ZNF550: variants seen among roughly 807,000 people sequenced by gnomAD.
The protein encoded by ZNF550 is zinc finger protein 550.
In ZNF550, 42 loss-of-function variants were observed where a neutral mutation model predicts 40.2. The ratio of observed to expected loss-of-function variants is 1.05; its 90% CI spans 0.82 to 1.35. ZNF550 has a LOEUF of 1.35. Among genes scored for constraint, ZNF550 ranks in the 40% most tolerant of loss-of-function variants. The pLI is 0.00. For synonymous variants in ZNF550, 223 were observed against 198.6 expected (o/e 1.12, Z -1.03); for missense variants, 549 against 525.2 (o/e 1.05, Z -0.44).
At chr19:57,544,571 T>C in intron 4 of ZNF550, 1 of 985,280 alleles carries the variant, frequency 1.0e-6, no homozygotes, top group Non-Finnish European at 1.2e-6. Context: ...GAGAGGAAAC[T>C]GTGCACTCTG....
At chr19:57,546,406 A>G (rs1159115399) in intron 4 of ZNF550, 1 of 885,256 alleles carries the variant, frequency 1.1e-6, no homozygotes, top group African/African-American at 1.8e-5. Context: ...CTACCAAAAA[A>G]TAAAACTGAT....
At chr19:57,552,686 A>G (rs771581106) in exon 3 of ZNF550, 1 of 1,598,462 alleles carries the variant, frequency 6.3e-7, no homozygotes, top group Non-Finnish European at 8.5e-7. Context: ...CCCATGCTCT[A>G]GCAGGTGGAC....
intron 4 of ZNF550, chr19:57,544,187 A>G (rs1187366221): frequency 3.0e-6 from 3 of 985,362 alleles, no homozygotes; most frequent in Non-Finnish European, 3.6e-6. Flanking sequence ...TATGACCACA[A>G]CAGTGAGTGG....
intron 4 of ZNF550, chr19:57,543,614 A>G: frequency 1.0e-6 from 1 of 985,438 alleles, no homozygotes; most frequent in East Asian, 1.1e-4. Context: ...ATTAAATGTA[A>G]CAAAGTTACA....
At chr19:57,543,683 C>G (rs999202360) in intron 4 of ZNF550, 1 of 971,864 alleles carries the variant, frequency 1.0e-6, no homozygotes, top group African/African-American at 1.8e-5. Context: ...CGCCTGTAAT[C>G]GCAGCACTTT....
intron 1 of ZNF550, 44 bp downstream of exon 1, chr19:57,559,612 C>A: frequency 6.9e-7 from 1 of 1,455,822 alleles, no homozygotes. Flanking sequence ...GGGCCCGGGA[C>A]ACTGAGGCCG....
At chr19:57,542,456 A>G (rs2089968953) in exon 5 of ZNF550, 1 of 151,954 alleles carries the variant, frequency 6.6e-6, no homozygotes, top group African/African-American at 2.4e-5. Context: ...TGGAGGAAAT[A>G]CATGTCCATA....
At chr19:57,558,388 A>T (rs1256933428) in intron 1 of ZNF550, among the ~76,000 whole-genome samples, 1 of 152,232 alleles carries the variant, frequency 6.6e-6, no homozygotes, top group African/African-American at 2.4e-5. Flanking sequence ...CTTGCAGACC[A>T]TGCTGGTAGG....
At chr19:57,551,657 TAAGTG>T (rs2090073579) in intron 3 of ZNF550, among the ~76,000 whole-genome samples, 1 of 151,986 alleles carries the variant, frequency 6.6e-6, no homozygotes, top group African/African-American at 2.4e-5. Flanking sequence ...CTGAGACACT[TAAGTG>T]GAGATGTGGG....
At chr19:57,556,356 A>G in exon 2 of ZNF550, 1 of 1,612,298 alleles carries the variant, frequency 6.2e-7, no homozygotes, top group Non-Finnish European at 8.5e-7. Context: ...GGTCACCAAC[A>G]TCTGGAAAGT....
chr19:57,552,603 C>T, intron 3 of ZNF550, 24 bp downstream of exon 3: 3 of 1,571,034 alleles, frequency 1.9e-6, no homozygotes, highest in Non-Finnish European at 1.7e-6. Context: ...CATGACTCCA[C>T]ATGACCAGCT....
exon 4 of ZNF550, chr19:57,546,769 G>C: frequency 7.4e-7 from 1 of 1,355,102 alleles, no homozygotes; most frequent in East Asian, 2.6e-5. Context: ...TGACTGAAGG[G>C]ATCCTTACAT....
At position 57,554,091 on chromosome 19, in the gene ZNF550, T is replaced by C. The variant is rs1476873430; in HGVS notation, c.155-1369A>G. ...ACTCAAGGGGATGAGGTTGGGAGGA[T>C]TGCTTGAGCCTAGGAAGCAGAGGCT... is the stretch of plus-strand genomic sequence containing the variant. On this transcript the variant is annotated intron_variant, in intron 2 of 4. Transcript: ENST00000457177. The surrounding 1 kb of genome is among the most constrained non-coding windows in gnomAD (Gnocchi z 4.5). The C allele has an allele frequency of 6.6e-6, 1 of 152,136 alleles. No homozygotes were observed. The highest frequency in any genetic ancestry group is 1.5e-5 in the Non-Finnish European group (1 of 68,068). 9.4% of individuals were successfully genotyped at this position (152,136 alleles called of 1,614,324 possible). A position where few individuals can be genotyped will look rare whatever the true frequency, so the allele number is the denominator to read the frequency against.
At chr19:57,553,701 A>G (rs1371351446) in intron 2 of ZNF550, 1 of 151,770 alleles carries the variant, frequency 6.6e-6, no homozygotes, top group Non-Finnish European at 1.5e-5. Flanking sequence ...ACCCGGCCCC[A>G]GGAGGCATTT....
At chr19:57,559,823 G>T in exon 1 of ZNF550, 1 of 703,462 alleles carries the variant, frequency 1.4e-6, no homozygotes, top group Non-Finnish European at 2.0e-6. Flanking sequence ...GGACCAACAC[G>T]CCCCACCACA....
rs1000806527 is a variant in ZNF550, at chr19:57,559,823, GC to G, written c.-142del. The G allele has an allele frequency of 3.7e-5, 26 of 703,464 alleles. No individual in the cohort carries two copies. In the African/African-American group the frequency reaches 3.9e-4, roughly 10 times the overall value. 43.6% of individuals were successfully genotyped at this position (703,464 alleles called of 1,614,324 possible). A position where few individuals can be genotyped will look rare whatever the true frequency, so the allele number is the denominator to read the frequency against. On this transcript the variant is annotated 5_prime_UTR_variant, in exon 1 of 5. Coordinates refer to ENST00000457177, the Ensembl canonical transcript of ZNF550. Reference sequence around the variant, plus strand: ...CAGTTCTGAGAGCGCGGACCAACACGCCCCACCACAAACGTCCACGCCAGCG... The same window carrying G: ...CAGTTCTGAGAGCGCGGACCAACACGCCCACCACAAACGTCCACGCCAGCG...
At chr19:57,550,246 T>C (rs1389465648) in intron 3 of ZNF550, among the ~76,000 whole-genome samples, 1 of 152,138 alleles carries the variant, frequency 6.6e-6, no homozygotes, top group African/African-American at 2.4e-5. Flanking sequence ...GCGGCTACTC[T>C]GGAAAAATAT....
Position 57,556,569 on chromosome 19 carries a change from G to T in ZNF550, c.28-212C>A, listed in dbSNP as rs2090123410. 33 of 499,550 alleles carry T rather than the reference G, an allele frequency of 6.6e-5. No homozygotes were observed. In the South Asian group the frequency reaches 7.5e-4, roughly 11 times the overall value. The allele number at this position is 499,550 out of a possible 1,614,324, so 30.9% of individuals were successfully genotyped here. A position where few individuals can be genotyped will look rare whatever the true frequency, so the allele number is the denominator to read the frequency against. On this transcript the variant is annotated intron_variant, in intron 1 of 4. Coordinates refer to ENST00000457177, the Ensembl canonical transcript of ZNF550. ...TGAGAGAAAAGCCTTCTATGGGGAA[G>T]CTGTTGAAGATGACACAAACAATGG...
At chr19:57,552,342 C>A in intron 3 of ZNF550, 2 of 465,350 alleles carry the variant, frequency 4.3e-6, no homozygotes, top group Admixed American at 3.8e-5. Flanking sequence ...ATGTGTACAA[C>A]TGGGTATGAC....
Sources: allele counts gnomAD v4.1 joint callset (sites outside exome capture counted in the v4.1 genomes callset), GRCh38; gene constraint gnomAD v4.1.1; non-coding constraint Gnocchi (gnomAD v3.1); transcripts MANE v1.5; gene names NCBI Gene and HGNC (gene_info 2026-07-23, HGNC 2026-07-21).